The following CNTNAP2 variants were observed in gnomAD, a reference collection of about 807,000 sequenced individuals.
CNTNAP2 encodes contactin associated protein 2.
In CNTNAP2, 98 loss-of-function variants were observed where a neutral mutation model predicts 155.2. The observed-to-expected ratio is 0.63, with a 90% CI of 0.54 to 0.75. The LOEUF is 0.75. CNTNAP2 is among the 30% of genes least tolerant of loss of function. CNTNAP2 has a pLI of 0.00. For missense variants in CNTNAP2, 1,727 were observed against 1,688.1 expected (o/e 1.02, Z -0.40); for synonymous variants, 651 against 631.2 (o/e 1.03, Z -0.47).
chr7:146,573,554 G>A (rs1052342269), intron 1 of CNTNAP2, among the ~76,000 whole-genome samples: 2 of 152,124 alleles, frequency 1.3e-5, no homozygotes, highest in African/African-American at 2.4e-5. Context: ...CATATCAAGC[G>A]CTCTGAGAAA....
At chr7:146,909,202 A>G (rs1342060558) in intron 3 of CNTNAP2, among the ~76,000 whole-genome samples, 1 of 150,940 alleles carries the variant, frequency 6.6e-6, no homozygotes, top group Non-Finnish European at 1.5e-5. Context: ...AGATGGATTC[A>G]CAGCCGAATT....
At chr7:147,270,622 T>A (rs1327932416) in intron 8 of CNTNAP2, among the ~76,000 whole-genome samples, 1 of 152,174 alleles carries the variant, frequency 6.6e-6, no homozygotes, top group African/African-American at 2.4e-5. Flanking sequence ...GGTAGTAGAA[T>A]CTCTTAGGGC....
At chr7:147,030,268 C>T (rs1036858074) in intron 3 of CNTNAP2, among the ~76,000 whole-genome samples, 2 of 152,128 alleles carry the variant, frequency 1.3e-5, no homozygotes, top group African/African-American at 4.8e-5. Flanking sequence ...TTTTCTTGAA[C>T]ACTTCATTCT....
intron 1 of CNTNAP2, among the ~76,000 whole-genome samples, chr7:146,124,984 C>T (rs566492446): frequency 6.6e-6 from 1 of 152,182 alleles, no homozygotes; most frequent in Non-Finnish European, 1.5e-5. Flanking sequence ...TATATATTGC[C>T]ACCACCAGCA....
chr7:146,494,692 G>A (rs1424697608), intron 1 of CNTNAP2, among the ~76,000 whole-genome samples: 3 of 152,026 alleles, frequency 2.0e-5, no homozygotes, highest in Non-Finnish European at 4.4e-5. Context: ...ACCTGAGTGG[G>A]GGTCTTAAAG....
chr7:146,759,249 T>A (rs1171398391), intron 1 of CNTNAP2, among the ~76,000 whole-genome samples: 1 of 152,110 alleles, frequency 6.6e-6, no homozygotes, highest in African/African-American at 2.4e-5. Flanking sequence ...CCCAGAGCAT[T>A]TCTTTACTGG....
intron 8 of CNTNAP2, among the ~76,000 whole-genome samples, chr7:147,218,596 C>T (rs188166782): frequency 2.7e-4 from 41 of 151,324 alleles, no homozygotes; most frequent in African/African-American, 5.3e-4. Flanking sequence ...AATTTCATTC[C>T]GGACTATAAA....
At chr7:146,556,723 G>C (rs959560516) in intron 1 of CNTNAP2, among the ~76,000 whole-genome samples, 1 of 152,096 alleles carries the variant, frequency 6.6e-6, no homozygotes, top group African/African-American at 2.4e-5. Context: ...TGGCTGCCAT[G>C]GTTTATTTAG....
chr7:146,269,011 C>A (rs1017052726), intron 1 of CNTNAP2, among the ~76,000 whole-genome samples: 2 of 152,142 alleles, frequency 1.3e-5, no homozygotes, highest in Non-Finnish European at 1.5e-5. Flanking sequence ...AACAGAGATT[C>A]TTCATAGCAG....
At chr7:147,239,122 TTC>T (rs1337282456) in intron 8 of CNTNAP2, among the ~76,000 whole-genome samples, 1 of 152,148 alleles carries the variant, frequency 6.6e-6, no homozygotes, top group African/African-American at 2.4e-5. Flanking sequence ...CTATCAAAGA[TTC>T]TCTCAGTCAG....
intron 1 of CNTNAP2, among the ~76,000 whole-genome samples, chr7:146,327,196 C>T (rs928440813): frequency 2.0e-5 from 3 of 152,028 alleles, no homozygotes; most frequent in Non-Finnish European, 4.4e-5. Flanking sequence ...TATAGGACTC[C>T]ATGGTTCCAT....
intron 16 of CNTNAP2, among the ~76,000 whole-genome samples, chr7:148,139,321 A>G (rs1805015444): frequency 1.3e-5 from 2 of 152,168 alleles, no homozygotes; most frequent in Admixed American, 1.3e-4. Context: ...CTAAAACTAT[A>G]CTAAAAGAAA....
chr7:147,660,841 A>G (rs1416928247), intron 13 of CNTNAP2, among the ~76,000 whole-genome samples: 4 of 152,200 alleles, frequency 2.6e-5, no homozygotes, highest in Non-Finnish European at 5.9e-5. Flanking sequence ...AAATCACATT[A>G]TGCCTAATAT....
chr7:148,211,035 A>G (rs1193471773), intron 18 of CNTNAP2, among the ~76,000 whole-genome samples: 2 of 152,262 alleles, frequency 1.3e-5, no homozygotes, highest in South Asian at 2.1e-4. Flanking sequence ...ATGCAGAATC[A>G]TGATGCATGC....
At chr7:147,727,761 T>TTC (rs1554427189) in intron 13 of CNTNAP2, among the ~76,000 whole-genome samples, 1 of 151,282 alleles carries the variant, frequency 6.6e-6, no homozygotes, top group African/African-American at 2.4e-5. Flanking sequence ...TTTTTTTTTT[T>TTC]TCCTGCGCTC....
intron 1 of CNTNAP2, among the ~76,000 whole-genome samples, chr7:146,266,440 A>G (rs1310959940): frequency 6.6e-6 from 1 of 152,180 alleles, no homozygotes; most frequent in African/African-American, 2.4e-5. Flanking sequence ...GCCTTCAACT[A>G]AAAACCTTGA....
intron 10 of CNTNAP2, among the ~76,000 whole-genome samples, chr7:147,401,928 C>A (rs826662): frequency 6.7e-6 from 1 of 148,502 alleles, no homozygotes; most frequent in South Asian, 2.1e-4. Context: ...GTTATAGCAA[C>A]GTGAAAATGG....
At chr7:147,706,677 C>T (rs947843722) in intron 13 of CNTNAP2, among the ~76,000 whole-genome samples, 2 of 152,144 alleles carry the variant, frequency 1.3e-5, no homozygotes, top group African/African-American at 4.8e-5. Flanking sequence ...AAACCTCTTC[C>T]TAGACTTTGA....
intron 1 of CNTNAP2, among the ~76,000 whole-genome samples, chr7:146,447,354 G>T (rs183446151): frequency 5.9e-5 from 9 of 152,046 alleles, no homozygotes; most frequent in African/African-American, 1.7e-4. Flanking sequence ...AAATGTGCAT[G>T]TCTGAAGTTG....
Sources: allele counts gnomAD v4.1 joint callset (sites outside exome capture counted in the v4.1 genomes callset), GRCh38; gene constraint gnomAD v4.1.1; transcripts MANE v1.5; gene names NCBI Gene and HGNC (gene_info 2026-07-23, HGNC 2026-07-21).